PAX3: variants seen among roughly 807,000 people sequenced by gnomAD.
The protein encoded by PAX3 is paired box 3.
In PAX3, 14 loss-of-function variants were observed where a neutral mutation model predicts 51.6. The ratio of observed to expected loss-of-function variants is 0.27; its 90% confidence interval spans 0.18 to 0.42. The LOEUF (loss-of-function observed/expected upper bound fraction) is 0.42. Among genes scored for constraint, PAX3 ranks in the 10% least tolerant of loss-of-function variants. The probability of loss-of-function intolerance (pLI) is 1.00; values close to 1 mark genes in which losing one functional copy is unlikely to be tolerated. For missense variants in PAX3, 540 were observed against 642.8 expected (o/e 0.84, Z 1.73); for synonymous variants, 280 against 253.4 (o/e 1.11, Z -1.00).
chr2:222,264,266 T>C (rs764373100), intron 4 of PAX3: 1 of 152,194 alleles, frequency 6.6e-6, no homozygotes, highest in Non-Finnish European at 1.5e-5. Flanking sequence ...CTCTAAGACA[T>C]AATGCTAAGT....
At chr2:222,258,762 T>G (rs1485995099) in intron 4 of PAX3, among the ~76,000 whole-genome samples, 1 of 152,224 alleles carries the variant, frequency 6.6e-6, no homozygotes, top group Non-Finnish European at 1.5e-5. Context: ...ATGGCATACA[T>G]GGAGGACTTT....
chr2:222,206,360 C>T (rs1691509181), intron 7 of PAX3, among the ~76,000 whole-genome samples: 1 of 151,644 alleles, frequency 6.6e-6, no homozygotes, highest in Admixed American at 6.6e-5. Context: ...GCAAGGAGAA[C>T]TCTTTCTTTT....
chr2:222,277,157 A>T (rs189418522), intron 4 of PAX3, among the ~76,000 whole-genome samples: 347 of 152,250 alleles, frequency 2.3e-3, no homozygotes, highest in African/African-American at 7.7e-3. Context: ...TGAAAAAAAA[A>T]TACAATAGAT....
intron 4 of PAX3, among the ~76,000 whole-genome samples, chr2:222,279,259 G>C (rs1425411330): frequency 2.0e-5 from 3 of 151,626 alleles, no homozygotes; most frequent in Non-Finnish European, 2.9e-5. Flanking sequence ...CAGCCAACCA[G>C]TTGAGTATCT....
chr2:222,247,404 T>C (rs1019854038), intron 4 of PAX3, among the ~76,000 whole-genome samples: 1 of 152,176 alleles, frequency 6.6e-6, no homozygotes, highest in African/African-American at 2.4e-5. Context: ...CCACTATTAG[T>C]CAGAGACGTT....
At chr2:222,272,651 C>T (rs940881255) in intron 4 of PAX3, among the ~76,000 whole-genome samples, 5 of 152,180 alleles carry the variant, frequency 3.3e-5, no homozygotes, top group Admixed American at 6.5e-5. Context: ...CTAATGAAAA[C>T]GGCATTGCCT....
At chr2:222,248,646 A>G (rs1406098975) in intron 4 of PAX3, among the ~76,000 whole-genome samples, 2 of 152,222 alleles carry the variant, frequency 1.3e-5, no homozygotes, top group Non-Finnish European at 2.9e-5. Flanking sequence ...TTCATTTTAA[A>G]GGGTCAAATA....
chr2:222,270,015 GA>G (rs1240150101), intron 4 of PAX3, among the ~76,000 whole-genome samples: 4 of 152,130 alleles, frequency 2.6e-5, no homozygotes, highest in African/African-American at 9.7e-5. Flanking sequence ...TTCTTACAAA[GA>G]AATCACCATG....
At chr2:222,286,709 C>A (rs571886911) in intron 4 of PAX3, among the ~76,000 whole-genome samples, 1 of 152,228 alleles carries the variant, frequency 6.6e-6, no homozygotes, top group African/African-American at 2.4e-5. Flanking sequence ...ACACTGTTGC[C>A]CTTATTTAAT....
At chr2:222,238,834 T>A (rs1169060661) in intron 4 of PAX3, among the ~76,000 whole-genome samples, 1 of 152,198 alleles carries the variant, frequency 6.6e-6, no homozygotes, top group Non-Finnish European at 1.5e-5. Context: ...CTTAAGGGTA[T>A]TTCACAAGTA....
intron 5 of PAX3, among the ~76,000 whole-genome samples, chr2:222,230,674 G>A (rs1692556216): frequency 6.6e-6 from 1 of 151,906 alleles, no homozygotes; most frequent in Non-Finnish European, 1.5e-5. Flanking sequence ...GACCAACATG[G>A]TGAAACCCCA....
At chr2:222,274,391 G>A (rs574242082) in intron 4 of PAX3, among the ~76,000 whole-genome samples, 48 of 151,554 alleles carry the variant, frequency 3.2e-4, no homozygotes, top group African/African-American at 1.1e-3. Flanking sequence ...AATCATCTTC[G>A]TACTTTAAAT....
At chr2:222,280,801 C>T (rs754293842) in intron 4 of PAX3, among the ~76,000 whole-genome samples, 93 of 152,270 alleles carry the variant, frequency 6.1e-4, no homozygotes, top group Non-Finnish European at 6.5e-4. Flanking sequence ...CTACTTGGAG[C>T]GAATTGCCTG....
rs894521557 is a variant in PAX3, at chr2:222,294,274, C to T, written c.479G>A (p.Ser160Asn). The T allele has an allele frequency of 2.5e-6, 4 of 1,614,096 alleles. No individual in the cohort carries two copies. Among genetic ancestry groups the T allele is most frequent in the Non-Finnish European group, 3.4e-6 (4 of 1,180,040 alleles). Residue 160 changes from serine to asparagine, a missense_variant, in exon 4 of 9, where the codon AGT (serine) becomes AAT (asparagine). By Grantham distance (46) the Ser-to-Asn change is conservative (BLOSUM62 1). Coordinates refer to ENST00000392070, the MANE Select transcript of PAX3 (RefSeq NM_181458.4). ...CTCCTCTTCACCTTTCCCGAATTTACTTCTCAGGATGCGGCTGATGGAACT... is the reference window on the plus strand; with the variant it reads ...CTCCTCTTCACCTTTCCCGAATTTATTTCTCAGGATGCGGCTGATGGAACT... ...SVSSISRILR[S>N]KFGKGEEEEA...
At chr2:222,223,647 T>C (rs1692280868) in intron 5 of PAX3, among the ~76,000 whole-genome samples, 1 of 152,116 alleles carries the variant, frequency 6.6e-6, no homozygotes, top group African/African-American at 2.4e-5. Flanking sequence ...ACTAAGGAGG[T>C]ACTCCCGGCT....
intron 5 of PAX3, among the ~76,000 whole-genome samples, chr2:222,229,028 T>C (rs1225728356): frequency 1.3e-5 from 2 of 152,214 alleles, no homozygotes; most frequent in Middle Eastern, 3.4e-3. Context: ...TCCTGGAATA[T>C]AGTGGCCACT....
intron 7 of PAX3, among the ~76,000 whole-genome samples, chr2:222,216,317 A>G (rs1017212439): frequency 2.0e-5 from 3 of 152,184 alleles, no homozygotes; most frequent in Non-Finnish European, 4.4e-5. Flanking sequence ...GTTTTCCAAT[A>G]AGCAAAATGA....
In PAX3 at chr2:222,254,726, T is replaced by C. The variant is rs1210504654; in HGVS notation, c.587-22443A>G. ...ACATGTCAAAAACTCAACATCAACATGGCATTTATCATAGACTCTCATATA... is the reference window on the plus strand; with the variant it reads ...ACATGTCAAAAACTCAACATCAACACGGCATTTATCATAGACTCTCATATA... On this transcript the variant is annotated intron_variant, in intron 4 of 8. Coordinates refer to ENST00000392070, the MANE Select transcript of PAX3 (RefSeq NM_181458.4). 2.0e-5 allele frequency among the ~76,000 whole-genome samples: 3 copies of C among 152,204 alleles called. No homozygotes were observed. The East Asian group carries it at 5.8e-4, about 29-fold the overall frequency.
rs187280968 is a variant in PAX3, at chr2:222,243,684, C to T, written c.587-11401G>A. Among the ~76,000 whole-genome samples the T allele has an allele frequency of 9.4e-4, 143 of 152,320 alleles. 1 individual carries two copies. The highest frequency in any genetic ancestry group is 1.2e-3 in the Non-Finnish European group (81 of 68,030). ...TAATACATAAATGCTTTTAACGACA[C>T]TTCCCATATGGCATTTCAAGATTGT... On this transcript the variant is annotated intron_variant, in intron 4 of 8. Transcript: ENST00000392070.
Sources: allele counts gnomAD v4.1 joint callset (sites outside exome capture counted in the v4.1 genomes callset), GRCh38; gene constraint gnomAD v4.1.1; transcripts MANE v1.5; gene names NCBI Gene and HGNC (gene_info 2026-07-23, HGNC 2026-07-21).